Variants in SRPK2 observed in about 807,000 individuals in gnomAD.
SRPK2 encodes SRSF protein kinase 2.
Under a neutral mutation model 90.8 loss-of-function variants are expected in SRPK2, and 21 were observed. The observed-to-expected ratio is 0.23, with a 90% confidence interval of 0.16 to 0.33. The LOEUF (loss-of-function observed/expected upper bound fraction) is 0.33. Among genes scored for constraint, SRPK2 ranks in the 10% least tolerant of loss-of-function variants. The probability of loss-of-function intolerance (pLI) is 1.00; values close to 1 mark genes in which losing one functional copy is unlikely to be tolerated. For missense variants in SRPK2, 620 were observed against 869.0 expected (o/e 0.71, Z 3.60); for synonymous variants, 288 against 311.1 (o/e 0.93, Z 0.78).
At chr7:105,394,374 C>T (rs1822265464), upstream of SRPK2, among the ~76,000 whole-genome samples, 2 of 152,148 alleles carry the variant, frequency 1.3e-5, no homozygotes, top group South Asian at 2.1e-4. Flanking sequence ...AACTCCTGAC[C>T]TCATGATCCG....
chr7:105,159,783 A>G (rs1010280603), intron 7 of SRPK2, among the ~76,000 whole-genome samples: 5 of 152,202 alleles, frequency 3.3e-5, no homozygotes, highest in Non-Finnish European at 7.3e-5. Context: ...CACATCTAAT[A>G]CAGTAATTTC....
At chr7:105,388,922 GCGCCGCCGC>G (rs754679660), upstream of SRPK2, 10 of 1,203,598 alleles carry the variant, frequency 8.3e-6, no homozygotes, top group Admixed American at 4.5e-5. Context: ...AACCGCGCCT[GCGCCGCCGC>G]CGCCGCCGCC....
chr7:105,141,630 A>G (rs1393331773), intron 11 of SRPK2, among the ~76,000 whole-genome samples: 1 of 152,232 alleles, frequency 6.6e-6, no homozygotes, highest in Non-Finnish European at 1.5e-5. Context: ...TCTTGAATAG[A>G]AACAAAACAA....
intron 2 of SRPK2, among the ~76,000 whole-genome samples, chr7:105,328,631 G>A (rs1377509648): frequency 3.3e-5 from 5 of 150,348 alleles, no homozygotes; most frequent in African/African-American, 7.3e-5. Flanking sequence ...TTGGGAGGCC[G>A]AGACGGGTGG....
At chr7:105,255,318 C>T (rs535620116) in intron 2 of SRPK2, among the ~76,000 whole-genome samples, 1 of 151,788 alleles carries the variant, frequency 6.6e-6, no homozygotes, top group African/African-American at 2.4e-5. Context: ...AGCAAATACC[C>T]GTATCTGCGT....
chr7:105,133,239 T>C lies in SRPK2; in HGVS notation c.1544-135A>G, dbSNP rs897283248. 1.1e-5 allele frequency: 9 copies of C among 802,586 alleles called. No individual in the cohort carries two copies. The African/African-American group carries it at 1.2e-4, about 11-fold the overall frequency. The allele number at this position is 802,586 out of a possible 1,614,324, so 49.7% of individuals were successfully genotyped here. ...CACTTAGGCCTGGAATACTGTAAAT[T>C]AAACTTGACAGAACTAAAATTGCTT... On this transcript the variant is annotated intron_variant, in intron 11 of 15. Coordinates refer to ENST00000393651, the MANE Select transcript of SRPK2 (RefSeq NM_182692.3).
chr7:105,332,888 T>C (rs1314992786), intron 2 of SRPK2: 1 of 152,152 alleles, frequency 6.6e-6, no homozygotes, highest in Non-Finnish European at 1.5e-5. Context: ...TGAAGTGTTC[T>C]AGTAATTTTT....
At chr7:105,134,877 A>G (rs2129575365) in intron 11 of SRPK2, among the ~76,000 whole-genome samples, 1 of 152,312 alleles carries the variant, frequency 6.6e-6, no homozygotes, top group South Asian at 2.1e-4. Flanking sequence ...GCTACCTTCC[A>G]TATGCCTGTT....
chr7:105,165,201 T>C (rs550610058), intron 6 of SRPK2, among the ~76,000 whole-genome samples: 5 of 152,308 alleles, frequency 3.3e-5, no homozygotes, highest in African/African-American at 4.8e-5. Flanking sequence ...AAGGATAACA[T>C]GCCAACCCTT....
At chr7:105,310,321 A>G (rs1352160467) in intron 2 of SRPK2, among the ~76,000 whole-genome samples, 1 of 152,220 alleles carries the variant, frequency 6.6e-6, no homozygotes, top group Non-Finnish European at 1.5e-5. Context: ...CAGCAAGGCT[A>G]GTAAATGCAT....
chr7:105,253,113 T>G (rs1802715762), intron 2 of SRPK2, among the ~76,000 whole-genome samples: 1 of 152,184 alleles, frequency 6.6e-6, no homozygotes, highest in Admixed American at 6.5e-5. Context: ...AAAAAATACG[T>G]AAGACTTAAC....
intron 6 of SRPK2, among the ~76,000 whole-genome samples, chr7:105,162,505 CA>C (rs1227461033): frequency 1.3e-5 from 2 of 151,768 alleles, no homozygotes; most frequent in East Asian, 1.9e-4. Flanking sequence ...ACTTTAGAAT[CA>C]AAAAAAGTAG....
chr7:105,360,288 T>C (rs1309289083), intron 2 of SRPK2, among the ~76,000 whole-genome samples: 2 of 152,206 alleles, frequency 1.3e-5, no homozygotes, highest in African/African-American at 4.8e-5. Flanking sequence ...GAAGGTAAGA[T>C]GGGTCTCCTG....
At chr7:105,278,144 C>T (rs1806764333) in intron 2 of SRPK2, among the ~76,000 whole-genome samples, 1 of 148,104 alleles carries the variant, frequency 6.8e-6, no homozygotes, top group Non-Finnish European at 1.5e-5. Context: ...GGTGAAAACC[C>T]GTCTCTATTA....
chr7:105,132,652 T>C (rs1310646378), intron 13 of SRPK2, 139 bp downstream of exon 13: 5 of 655,422 alleles, frequency 7.6e-6, no homozygotes, highest in Admixed American at 5.9e-5. Context: ...GCAGCAACCT[T>C]CCCCTCACCC....
intron 2 of SRPK2, among the ~76,000 whole-genome samples, chr7:105,363,028 G>A (rs1281969234): frequency 1.3e-5 from 2 of 151,990 alleles, no homozygotes; most frequent in African/African-American, 4.8e-5. Flanking sequence ...CACACACCGG[G>A]GCCTGTCGTG....
intron 4 of SRPK2, among the ~76,000 whole-genome samples, chr7:105,168,696 CTCTTT>C (rs904208999): frequency 8.9e-5 from 13 of 146,776 alleles, no homozygotes; most frequent in Admixed American, 2.0e-4. Context: ...GAAAACCATT[CTCTTT>C]TAACACTTTT....
chr7:105,221,783 TG>T (rs1413338397), intron 2 of SRPK2, among the ~76,000 whole-genome samples: 1 of 152,198 alleles, frequency 6.6e-6, no homozygotes, highest in Non-Finnish European at 1.5e-5. Context: ...ATACAACTGG[TG>T]ATTTTTCTGC....
At chr7:105,160,082 G>C (rs1807361097) in intron 7 of SRPK2, among the ~76,000 whole-genome samples, 1 of 152,118 alleles carries the variant, frequency 6.6e-6, no homozygotes, top group Non-Finnish European at 1.5e-5. Flanking sequence ...CGTTATAACT[G>C]AAACTTTGTA....
Sources: gnomAD v4.1 joint callset for allele counts (sites outside exome capture counted in the v4.1 genomes callset) on GRCh38, gnomAD v4.1.1 for gene constraint, MANE v1.5 for transcripts, NCBI Gene and HGNC (gene_info 2026-07-23, HGNC 2026-07-21) for gene names.